CHMP2B: variants seen among roughly 807,000 people sequenced by gnomAD.
CHMP2B encodes charged multivesicular body protein 2B.
Under a neutral mutation model 29.8 loss-of-function variants are expected in CHMP2B, and 22 were observed. The observed-to-expected ratio is 0.74, with a 90% CI of 0.53 to 1.05. The LOEUF is 1.05. CHMP2B is among the 50% of genes least tolerant of loss of function. The pLI is 0.00. For missense variants in CHMP2B, 261 were observed against 252.2 expected, an observed-to-expected ratio of 1.03 and a Z score of -0.24; for synonymous variants, 78 against 75.8, an observed-to-expected ratio of 1.03 and a Z score of -0.15.
intron 1 of CHMP2B, among the ~76,000 whole-genome samples, chr3:87,233,168 C>G (rs1354765823): frequency 6.6e-6 from 1 of 152,014 alleles, no homozygotes; most frequent in East Asian, 1.9e-4. Flanking sequence ...CCCCTTTGTT[C>G]TTTTTGTTTT....
At position 87,245,256 on chromosome 3, in the gene CHMP2B, T is replaced by C. The variant is rs185635746; in HGVS notation, c.127-458T>C. On this transcript the variant is annotated intron_variant, in intron 2 of 5. Coordinates refer to ENST00000263780, the MANE Select transcript of CHMP2B (RefSeq NM_014043.4). ...ATAGCATATAGTTGGGTTTGCTTTC[T>C]TATCTAATCCGACAGTCTGTCTTAC... Among the ~76,000 whole-genome samples the C allele has an allele frequency of 4.6e-5, 7 of 152,262 alleles. No individual in the cohort carries two copies. In the East Asian group the frequency reaches 1.4e-3, roughly 29 times the overall value.
chr3:87,228,683 A>G (rs1705856488), intron 1 of CHMP2B, among the ~76,000 whole-genome samples: 1 of 152,210 alleles, frequency 6.6e-6, no homozygotes. Context: ...AATTTATCAG[A>G]TGACATAATA....
chr3:87,244,592 A>G (rs552407110), intron 2 of CHMP2B, among the ~76,000 whole-genome samples: 1 of 151,622 alleles, frequency 6.6e-6, no homozygotes, highest in East Asian at 1.9e-4. Flanking sequence ...ACTTATTTAG[A>G]ACTATTATTT....
At chr3:87,249,253 T>C (rs1197960609) in intron 3 of CHMP2B, among the ~76,000 whole-genome samples, 2 of 152,164 alleles carry the variant, frequency 1.3e-5, no homozygotes, top group African/African-American at 4.8e-5. Context: ...CTGTCGTATA[T>C]GCTGTGGGTA....
chr3:87,249,532 A>G (rs1211212043), intron 3 of CHMP2B, among the ~76,000 whole-genome samples: 1 of 151,962 alleles, frequency 6.6e-6, no homozygotes, highest in Admixed American at 6.6e-5. Context: ...TTAAATTTAA[A>G]AATTTATTGA....
At chr3:87,240,566 C>T (rs1706098263) in intron 1 of CHMP2B, 133 bp from the exon 2 acceptor site, 4 of 661,126 alleles carry the variant, frequency 6.1e-6, no homozygotes, top group Admixed American at 4.3e-5. Context: ...CAAAGTGCTG[C>T]GATTACAGGC....
At chr3:87,244,051 G>GTTTTTTT (rs1706169447) in intron 2 of CHMP2B, among the ~76,000 whole-genome samples, 1 of 129,776 alleles carries the variant, frequency 7.7e-6, no homozygotes, top group Non-Finnish European at 1.6e-5. Flanking sequence ...TTTGTTTTTT[G>GTTTTTTT]TTGTTTTTTT....
At chr3:87,250,112 G>A in intron 4 of CHMP2B, 135 bp downstream of exon 4, 2 of 574,928 alleles carry the variant, frequency 3.5e-6, no homozygotes, top group Middle Eastern at 4.9e-4. Context: ...AATTCTATTT[G>A]TATTTAACTG....
intron 3 of CHMP2B, 35 bp downstream of exon 3, chr3:87,245,943 T>A: frequency 6.6e-7 from 1 of 1,514,382 alleles, no homozygotes; most frequent in East Asian, 2.3e-5. Context: ...AGATTTTTAA[T>A]TTTATCAACG....
chr3:87,234,689 C>A (rs1048556527), intron 1 of CHMP2B, among the ~76,000 whole-genome samples: 1 of 152,176 alleles, frequency 6.6e-6, no homozygotes, highest in Admixed American at 6.5e-5. Flanking sequence ...AAACAAACCA[C>A]AAGGTAGATG....
intron 1 of CHMP2B, among the ~76,000 whole-genome samples, chr3:87,230,588 G>A (rs1353691828): frequency 6.6e-6 from 1 of 152,170 alleles, no homozygotes; most frequent in East Asian, 1.9e-4. Context: ...ATTAGTGGTA[G>A]AACTTTACTT....
chr3:87,239,140 T>C (rs1164955558), intron 1 of CHMP2B, among the ~76,000 whole-genome samples: 1 of 152,152 alleles, frequency 6.6e-6, no homozygotes, highest in Non-Finnish European at 1.5e-5. Flanking sequence ...GTTTCTTGAG[T>C]TATAAGAATT....
At chr3:87,240,215 TA>T (rs1332503351) in intron 1 of CHMP2B, 3 of 154,230 alleles carry the variant, frequency 1.9e-5, no homozygotes, top group African/African-American at 7.2e-5. Flanking sequence ...ATTTTATTAA[TA>T]TTTATAATTC....
intron 1 of CHMP2B, among the ~76,000 whole-genome samples, chr3:87,238,169 C>A (rs1046078787): frequency 6.6e-6 from 1 of 152,132 alleles, no homozygotes; most frequent in African/African-American, 2.4e-5. Context: ...TATAGAATAA[C>A]TATAATTATC....
At chr3:87,231,866 C>T (rs1374901812) in intron 1 of CHMP2B, among the ~76,000 whole-genome samples, 1 of 152,080 alleles carries the variant, frequency 6.6e-6, no homozygotes, top group Non-Finnish European at 1.5e-5. Context: ...CCTTTTGTGG[C>T]ATTTCTTTCT....
At chr3:87,233,727 C>T (rs1294294675) in intron 1 of CHMP2B, among the ~76,000 whole-genome samples, 2 of 152,086 alleles carry the variant, frequency 1.3e-5, no homozygotes, top group South Asian at 2.1e-4. Context: ...TACCTTAAAA[C>T]CAGTTAATGG....
intron 1 of CHMP2B, among the ~76,000 whole-genome samples, chr3:87,238,685 T>C (rs1054841771): frequency 7.2e-5 from 11 of 152,330 alleles, no homozygotes; most frequent in African/African-American, 2.6e-4. Context: ...TACCACCGTT[T>C]GTTTATCTGT....
chr3:87,229,186 T>C (rs1559604266), intron 1 of CHMP2B, among the ~76,000 whole-genome samples: 4 of 152,180 alleles, frequency 2.6e-5, no homozygotes, highest in Admixed American at 2.6e-4. Context: ...CTGGTGCTTT[T>C]GGAAATTTAG....
At position 87,245,729 on chromosome 3, in the gene CHMP2B, A is replaced by C; in HGVS notation, c.142A>C (p.Lys48Gln). The C allele has an allele frequency of 6.2e-7, 1 of 1,613,366 alleles. No individual in the cohort carries two copies. The highest frequency in any genetic ancestry group is 8.5e-7 in the Non-Finnish European group (1 of 1,179,640). Reference protein sequence around the residue: ...QEKQLELEIKKMAKIGNKEAC... With the variant: ...QEKQLELEIKQMAKIGNKEAC... ...CTTCTCTTAGGAATTAGAAATTAAG[A>C]AAATGGCCAAGATTGGTAATAAGGA... Residue 48 changes from lysine (K) to glutamine (Q), a missense_variant, in exon 3 of 6, where the codon AAA becomes CAA. Coordinates refer to ENST00000263780, the MANE Select transcript of CHMP2B (RefSeq NM_014043.4).
Sources: allele counts gnomAD v4.1 joint callset (sites outside exome capture counted in the v4.1 genomes callset), GRCh38; gene constraint gnomAD v4.1.1; transcripts MANE v1.5; gene names NCBI Gene and HGNC (gene_info 2026-07-23, HGNC 2026-07-21).